DAD1: variants seen among roughly 807,000 people sequenced by gnomAD.
DAD1 encodes the protein defender against cell death 1, also known as dolichyl-diphosphooligosaccharide--protein glycosyltransferase subunit DAD1.
A neutral mutation model predicts 9.0 loss-of-function variants in DAD1; 4 were observed. That is an observed-to-expected ratio of 0.44 (90% CI 0.22 to 1.01). The LOEUF (loss-of-function observed/expected upper bound fraction) is 1.01, where lower values mean the gene tolerates loss of function less well. Ranked by LOEUF, DAD1 falls within the 50% of genes least tolerant of loss-of-function variation. The probability of loss-of-function intolerance (pLI) is 0.24; values close to 1 mark genes in which losing one functional copy is unlikely to be tolerated. For missense variants in DAD1, 119 were observed against 137.3 expected (o/e 0.87, Z 0.67); for synonymous variants, 60 against 62.5 (o/e 0.96, Z 0.19).
intron 1 of DAD1, among the ~76,000 whole-genome samples, chr14:22,588,436 A>G (rs2037168909): frequency 1.3e-5 from 2 of 152,230 alleles, no homozygotes; most frequent in African/African-American, 4.8e-5. Context: ...GTGAAATAAC[A>G]GCTTCCTCAA....
chr14:22,575,617 G>A (rs998253962), intron 1 of DAD1, among the ~76,000 whole-genome samples: 5 of 152,106 alleles, frequency 3.3e-5, no homozygotes, highest in African/African-American at 7.2e-5. Flanking sequence ...GCATGATCTC[G>A]GCTCACTGCA....
At chr14:22,574,489 C>G (rs994366008) in intron 2 of DAD1, among the ~76,000 whole-genome samples, 3 of 152,198 alleles carry the variant, frequency 2.0e-5, no homozygotes. Flanking sequence ...GGAGAAAGAA[C>G]TCTACTGCTA....
intron 1 of DAD1, among the ~76,000 whole-genome samples, chr14:22,586,864 C>T (rs1276256700): frequency 1.3e-5 from 2 of 152,090 alleles, no homozygotes; most frequent in African/African-American, 4.8e-5. Flanking sequence ...TAAATCATAC[C>T]CTTCTGTGGC....
intron 1 of DAD1, among the ~76,000 whole-genome samples, chr14:22,586,971 C>G (rs770506625): frequency 1.3e-5 from 2 of 152,120 alleles, no homozygotes; most frequent in African/African-American, 2.4e-5. Context: ...ATCCTAATCC[C>G]CCTTATTGGC....
At chr14:22,584,346 TCA>T (rs1047513275) in intron 1 of DAD1, among the ~76,000 whole-genome samples, 3 of 151,868 alleles carry the variant, frequency 2.0e-5, no homozygotes, top group East Asian at 1.9e-4. Flanking sequence ...CATATCTCTC[TCA>T]CACACACACA....
At chr14:22,581,916 C>A (rs935221364) in intron 1 of DAD1, among the ~76,000 whole-genome samples, 1 of 151,698 alleles carries the variant, frequency 6.6e-6, no homozygotes, top group Admixed American at 6.6e-5. Context: ...TAAAAAGAGG[C>A]AGAAGGCCGG....
At chr14:22,575,258 A>C (rs1228451867) in intron 1 of DAD1, 25 bp from the exon 2 acceptor site, 1 of 1,612,324 alleles carries the variant, frequency 6.2e-7, no homozygotes, top group Admixed American at 1.7e-5. Flanking sequence ...AAACACAAAA[A>C]AATGATTATA....
At chr14:22,568,818 C>T (rs901035152) in intron 2 of DAD1, among the ~76,000 whole-genome samples, 4 of 152,040 alleles carry the variant, frequency 2.6e-5, no homozygotes, top group Non-Finnish European at 5.9e-5. Flanking sequence ...CCACCTCAGC[C>T]TTCTGAGTAG....
At chr14:22,576,380 C>T (rs1209524706) in intron 1 of DAD1, among the ~76,000 whole-genome samples, 1 of 152,150 alleles carries the variant, frequency 6.6e-6, no homozygotes, top group Non-Finnish European at 1.5e-5. Context: ...TCTCAACCAA[C>T]GATGCTGGGA....
intron 2 of DAD1, among the ~76,000 whole-genome samples, chr14:22,566,372 T>C (rs531749302): frequency 2.2e-4 from 33 of 152,186 alleles, no homozygotes; most frequent in African/African-American, 7.5e-4. Flanking sequence ...TTTGTGCTTG[T>C]TGTCCAGGCT....
intron 2 of DAD1, among the ~76,000 whole-genome samples, chr14:22,566,191 T>C (rs891668605): frequency 6.6e-6 from 1 of 152,204 alleles, no homozygotes; most frequent in African/African-American, 2.4e-5. Flanking sequence ...AAGAAATGTA[T>C]AAAAGAAAGA....
intron 1 of DAD1, among the ~76,000 whole-genome samples, chr14:22,585,322 A>T (rs914479805): frequency 2.6e-5 from 4 of 152,272 alleles, no homozygotes; most frequent in African/African-American, 9.6e-5. Flanking sequence ...TTTTGAGGAC[A>T]GTCTTAATGT....
At chr14:22,568,978 C>T (rs2037019725) in intron 2 of DAD1, among the ~76,000 whole-genome samples, 1 of 152,194 alleles carries the variant, frequency 6.6e-6, no homozygotes, top group Non-Finnish European at 1.5e-5. Flanking sequence ...GGATTACAGG[C>T]CTAAGCCACC....
At chr14:22,574,060 G>A (rs1015983679) in intron 2 of DAD1, among the ~76,000 whole-genome samples, 14 of 152,128 alleles carry the variant, frequency 9.2e-5, no homozygotes, top group Non-Finnish European at 2.1e-4. Flanking sequence ...ATCTCCTAAG[G>A]TTCTCTTTTC....
intron 1 of DAD1, among the ~76,000 whole-genome samples, chr14:22,583,835 T>G (rs914141908): frequency 6.6e-6 from 1 of 152,074 alleles, no homozygotes; most frequent in African/African-American, 2.4e-5. Flanking sequence ...GTAGGTGATC[T>G]GTTATGATTC....
At chr14:22,575,435 T>C (rs563965592) in intron 1 of DAD1, among the ~76,000 whole-genome samples, 38 of 152,232 alleles carry the variant, frequency 2.5e-4, no homozygotes, top group African/African-American at 8.4e-4. Flanking sequence ...GTAAAATGGA[T>C]AAATTATAGC....
At chr14:22,581,488 TC>T (rs1269418973) in intron 1 of DAD1, among the ~76,000 whole-genome samples, 10 of 151,980 alleles carry the variant, frequency 6.6e-5, no homozygotes, top group Admixed American at 3.9e-4. Context: ...ACACCCGTAA[TC>T]CCAGCACTTT....
rs769810467 is a variant in DAD1 at position 22,575,183 on chromosome 14, T to C, written c.262A>G (p.Ile88Val). Residue 88 changes from isoleucine to valine, a missense_variant, in exon 2 of 3, where the codon ATC (isoleucine) becomes GTC (valine). Physicochemically the swap from Ile to Val is conservative, Grantham distance 29. Transcript: ENST00000250498. ...NPQNKADFQG[I>V]SPERAFADFL... The stretch of plus-strand genomic sequence containing the variant: ...TCAGCAAAGGCTCGCTCTGGGGAGA[T>C]GCCTTGGAAATCCGCTTTGTTCTGT... 6 of 1,614,180 alleles carry C rather than the reference T, an allele frequency of 3.7e-6. No individual in the cohort carries two copies. The highest frequency in any genetic ancestry group is 5.1e-6 in the Non-Finnish European group (6 of 1,180,032).
At chr14:22,570,204 T>C (rs890038284) in intron 2 of DAD1, among the ~76,000 whole-genome samples, 8 of 152,016 alleles carry the variant, frequency 5.3e-5, no homozygotes, top group Non-Finnish European at 7.4e-5. Flanking sequence ...GAGGTCACCA[T>C]TGAGAATAAA....
Sources: allele counts gnomAD v4.1 joint callset (sites outside exome capture counted in the v4.1 genomes callset), GRCh38; gene constraint gnomAD v4.1.1; transcripts MANE v1.5; gene names NCBI Gene and HGNC (gene_info 2026-07-23, HGNC 2026-07-21).